Variants in LRRC37A2 observed in about 807,000 individuals in gnomAD.
The protein encoded by LRRC37A2 is leucine rich repeat containing 37 member A2, also known as leucine-rich repeat-containing protein 37A2.
A neutral mutation model predicts 68.8 loss-of-function variants in LRRC37A2; 9 were observed. That is an observed-to-expected ratio of 0.13 (90% CI 0.08 to 0.23). The LOEUF is 0.23. Ranked by LOEUF, LRRC37A2 falls within the 10% of genes least tolerant of loss-of-function variation. LRRC37A2 has a pLI of 1.00. For synonymous variants in LRRC37A2, 63 were observed against 367.6 expected, an observed-to-expected ratio of 0.17 and a Z score of 9.48; for missense variants, 168 against 950.4, an observed-to-expected ratio of 0.18 and a Z score of 10.82.
At chr17:46,897,588 G>A in the LRRC37A2 span, among the ~76,000 whole-genome samples, 5 of 152,174 alleles carry the variant, frequency 3.3e-5, no homozygotes, top group Non-Finnish European at 5.9e-5. Flanking sequence ...GGGTGATGGT[G>A]CTTGGTGAAT....
At chr17:46,950,165 A>G in the LRRC37A2 span, among the ~76,000 whole-genome samples, 1,653 of 152,296 alleles carry the variant, frequency 0.011, 16 homozygotes, top group Admixed American at 0.017. Flanking sequence ...GTATTTTTCA[A>G]TGTCTCTGCA....
At chr17:46,495,956 G>GT in the LRRC37A2 span, among the ~76,000 whole-genome samples, 1 of 102,768 alleles carries the variant, frequency 9.7e-6, no homozygotes, top group Non-Finnish European at 2.2e-5. Flanking sequence ...CTGAAACATT[G>GT]TTTGTTTAGG....
the LRRC37A2 span, among the ~76,000 whole-genome samples, chr17:46,811,345 A>G: frequency 6.6e-6 from 1 of 152,156 alleles, no homozygotes; most frequent in African/African-American, 2.4e-5. Context: ...GCTCCTGTCA[A>G]TGGCGCGGAA....
chr17:46,877,310 A>G, the LRRC37A2 span, among the ~76,000 whole-genome samples: 1 of 152,192 alleles, frequency 6.6e-6, no homozygotes, highest in Non-Finnish European at 1.5e-5. Flanking sequence ...CGTTCAGAGA[A>G]AGGAGAGCTT....
chr17:46,862,835 C>A, the LRRC37A2 span, among the ~76,000 whole-genome samples: 1 of 152,228 alleles, frequency 6.6e-6, no homozygotes, highest in Non-Finnish European at 1.5e-5. Flanking sequence ...CCGCCCGCCT[C>A]GGCCTCCCAG....
intron 8 of LRRC37A2, among the ~76,000 whole-genome samples, chr17:46,544,487 A>C (rs2055978174): frequency 1.5e-4 from 1 of 6,492 alleles, no homozygotes; most frequent in Non-Finnish European, 2.3e-4. Flanking sequence ...TTGAGCACTC[A>C]CTGTGCACCA....
At chr17:47,019,515 C>A in the LRRC37A2 span, 10 of 1,535,028 alleles carry the variant, frequency 6.5e-6, 1 homozygote, top group African/African-American at 1.2e-4. Flanking sequence ...GACTACAGCT[C>A]CTCATCCAGA....
the LRRC37A2 span, among the ~76,000 whole-genome samples, chr17:46,901,798 C>A: frequency 1.4e-5 from 2 of 142,564 alleles, no homozygotes; most frequent in Non-Finnish European, 3.0e-5. Flanking sequence ...CTAAATGGAG[C>A]AAGAATTTTT....
intron 6 of LRRC37A2, among the ~76,000 whole-genome samples, chr17:46,534,412 C>T (rs9915553): frequency 0.47 from 69,068 of 145,730 alleles, 17,604 homozygotes; most frequent in South Asian, 0.71. Flanking sequence ...AACGAGCATG[C>T]TGCTTTCAAG....
chr17:46,941,204 G>A, the LRRC37A2 span: 3 of 1,000,388 alleles, frequency 3.0e-6, no homozygotes, highest in Non-Finnish European at 3.6e-6. Flanking sequence ...CCAAGACCAA[G>A]TAAGTTAGAG....
chr17:46,719,974 T>C, the LRRC37A2 span, among the ~76,000 whole-genome samples: 1 of 152,212 alleles, frequency 6.6e-6, no homozygotes, highest in Non-Finnish European at 1.5e-5. This position sits in a 1 kb window ranked among gnomAD's most constrained non-coding sequence, Gnocchi z 4.3. Flanking sequence ...TTCCACTAGC[T>C]TTGCACGAAA....
the LRRC37A2 span, chr17:46,830,516 G>C: frequency 2.5e-6 from 1 of 395,504 alleles, no homozygotes; most frequent in African/African-American, 2.1e-5. Flanking sequence ...AAAGGGCTGG[G>C]ATTACAGGCA....
the LRRC37A2 span, chr17:46,929,888 T>G: frequency 3.4e-6 from 1 of 293,734 alleles, no homozygotes; most frequent in East Asian, 6.8e-5. Flanking sequence ...ATGTACTCCA[T>G]AAAAATTCAG....
chr17:47,023,101 A>C, the LRRC37A2 span, among the ~76,000 whole-genome samples: 73 of 152,250 alleles, frequency 4.8e-4, no homozygotes, highest in Non-Finnish European at 8.4e-4. Flanking sequence ...TGGATGAATA[A>C]AAGGGATTCC....
chr17:47,028,418 C>T, the LRRC37A2 span: 2 of 1,080,848 alleles, frequency 1.9e-6, no homozygotes, highest in Admixed American at 3.6e-5. Context: ...AAAACTCATA[C>T]AATTATTGGG....
At chr17:47,000,009 A>AAATAAAATAAAATAAAT in the LRRC37A2 span, among the ~76,000 whole-genome samples, 1 of 14,032 alleles carries the variant, frequency 7.1e-5, no homozygotes, top group South Asian at 8.6e-3. Flanking sequence ...AAAATAAAAT[A>AAATAAAATAAAATAAAT]AAATAAAATA....
At chr17:46,529,220 G>A (rs1394185972) in intron 6 of LRRC37A2, among the ~76,000 whole-genome samples, 1 of 122,602 alleles carries the variant, frequency 8.2e-6, no homozygotes, top group Non-Finnish European at 1.9e-5. Flanking sequence ...AGCAAGAAAT[G>A]TTCCCTTATT....
At chr17:46,907,736 C>T in the LRRC37A2 span, among the ~76,000 whole-genome samples, 3 of 150,160 alleles carry the variant, frequency 2.0e-5, no homozygotes, top group Non-Finnish European at 3.0e-5. Context: ...CCTGTGGTCC[C>T]AGCTACTCAG....
chr17:46,724,152 C>T, the LRRC37A2 span, among the ~76,000 whole-genome samples: 1 of 152,288 alleles, frequency 6.6e-6, no homozygotes, highest in African/African-American at 2.4e-5. Flanking sequence ...TCCACCCTTT[C>T]CACTGGTTAA....
Sources: allele counts gnomAD v4.1 joint callset (sites outside exome capture counted in the v4.1 genomes callset), GRCh38; gene constraint gnomAD v4.1.1; non-coding constraint Gnocchi (gnomAD v3.1); transcripts MANE v1.5; gene names NCBI Gene and HGNC (gene_info 2026-07-23, HGNC 2026-07-21).